RAD18: variants seen among roughly 807,000 people sequenced by gnomAD.
RAD18 encodes E3 ubiquitin-protein ligase RAD18.
A neutral mutation model predicts 60.4 loss-of-function variants in RAD18; 47 were observed. That is an observed-to-expected ratio of 0.78 (90% CI 0.62 to 0.99). The LOEUF is 0.99. Ranked by LOEUF, RAD18 falls within the 50% of genes least tolerant of loss-of-function variation. The pLI, the probability that RAD18 is intolerant of heterozygous loss-of-function variation, is 0.00. For missense variants in RAD18, 640 were observed against 593.3 expected (o/e 1.08, Z -0.82); for synonymous variants, 225 against 195.5 (o/e 1.15, Z -1.26).
intron 1 of RAD18, among the ~76,000 whole-genome samples, chr3:8,961,137 T>C (rs1941089425): frequency 6.6e-6 from 1 of 152,202 alleles, no homozygotes; most frequent in Non-Finnish European, 1.5e-5. Flanking sequence ...TTCTGAAAGA[T>C]CTGCAGAGCA....
At chr3:8,906,792 CAG>C (rs985171808) in intron 9 of RAD18, among the ~76,000 whole-genome samples, 2 of 66,576 alleles carry the variant, frequency 3.0e-5, no homozygotes, top group African/African-American at 4.5e-5. Flanking sequence ...GAGGGGGAAA[CAG>C]TTTTTTTTTT....
At chr3:8,921,414 G>A (rs1048199860) in intron 7 of RAD18, among the ~76,000 whole-genome samples, 1 of 152,098 alleles carries the variant, frequency 6.6e-6, no homozygotes, top group African/African-American at 2.4e-5. Flanking sequence ...CACTTTGGGG[G>A]GCTAAAGCAG....
intron 2 of RAD18, among the ~76,000 whole-genome samples, chr3:8,955,587 G>A (rs1169902841): frequency 6.6e-6 from 1 of 152,158 alleles, no homozygotes; most frequent in Admixed American, 6.5e-5. Context: ...CACTCAACTT[G>A]GGGTGCTTTG....
chr3:8,961,376 A>T (rs1044025192), intron 1 of RAD18, among the ~76,000 whole-genome samples: 1 of 152,250 alleles, frequency 6.6e-6, no homozygotes, highest in Non-Finnish European at 1.5e-5. Context: ...TAATTACAAA[A>T]ATACTCTTAA....
intron 7 of RAD18, among the ~76,000 whole-genome samples, chr3:8,933,596 C>T (rs1285142239): frequency 6.6e-6 from 1 of 152,088 alleles, no homozygotes; most frequent in Non-Finnish European, 1.5e-5. Context: ...AATAAAACAT[C>T]GTGTACCACT....
chr3:8,920,379 C>G (rs528203), intron 7 of RAD18, among the ~76,000 whole-genome samples: 104,686 of 151,882 alleles, frequency 0.69, 36,624 homozygotes, highest in Middle Eastern at 0.78. Flanking sequence ...AACTGTGAAA[C>G]CAATGCTAAA....
At chr3:8,952,761 T>C (rs1337286614) in intron 2 of RAD18, among the ~76,000 whole-genome samples, 1 of 152,182 alleles carries the variant, frequency 6.6e-6, no homozygotes, top group African/African-American at 2.4e-5. Context: ...GTTAGTCACA[T>C]TTGACAAGAA....
intron 7 of RAD18, among the ~76,000 whole-genome samples, chr3:8,935,644 T>C (rs1261731582): frequency 6.6e-6 from 1 of 152,180 alleles, no homozygotes; most frequent in Non-Finnish European, 1.5e-5. Context: ...CATGAGAAAC[T>C]GGCAATGGGG....
intron 11 of RAD18, among the ~76,000 whole-genome samples, chr3:8,891,075 A>AATATATATCTATAT (rs1939679688): frequency 3.9e-5 from 1 of 25,972 alleles, no homozygotes; most frequent in African/African-American, 7.4e-5. Flanking sequence ...ATATATATAA[A>AATATATATCTATAT]ATATATATAT....
intron 7 of RAD18, among the ~76,000 whole-genome samples, chr3:8,921,364 T>C (rs1703122): frequency 0.69 from 104,660 of 152,120 alleles, 36,593 homozygotes; most frequent in Middle Eastern, 0.77. Context: ...ACAAGAAATA[T>C]TGAATAATCC....
intron 9 of RAD18, among the ~76,000 whole-genome samples, chr3:8,909,342 T>A (rs1277582893): frequency 6.6e-6 from 1 of 152,094 alleles, no homozygotes; most frequent in Admixed American, 6.5e-5. Context: ...AGAAATGGCA[T>A]GATGTGAAGA....
At chr3:8,919,868 C>G (rs1940284392) in intron 7 of RAD18, among the ~76,000 whole-genome samples, 1 of 152,066 alleles carries the variant, frequency 6.6e-6, no homozygotes, top group African/African-American at 2.4e-5. Context: ...GTCATGAGGA[C>G]AGGAATTAGA....
intron 9 of RAD18, among the ~76,000 whole-genome samples, chr3:8,903,049 A>C (rs926135709): frequency 6.6e-6 from 1 of 151,998 alleles, no homozygotes; most frequent in African/African-American, 2.4e-5. Context: ...AAAAAACAAA[A>C]AACAGAGGTG....
chr3:8,910,027 A>G (rs45579731), intron 9 of RAD18, among the ~76,000 whole-genome samples: 29 of 152,222 alleles, frequency 1.9e-4, no homozygotes, highest in African/African-American at 6.0e-4. Context: ...GAAGTGAACC[A>G]ACACAGGAAG....
At chr3:8,906,417 TTGTC>T (rs1940002096) in intron 9 of RAD18, among the ~76,000 whole-genome samples, 1 of 152,098 alleles carries the variant, frequency 6.6e-6, no homozygotes, top group African/African-American at 2.4e-5. Context: ...CCCCGAAAAG[TTGTC>T]TACCTTAATG....
intron 7 of RAD18, among the ~76,000 whole-genome samples, chr3:8,920,559 T>C (rs1381043188): frequency 1.3e-5 from 2 of 152,172 alleles, no homozygotes; most frequent in Non-Finnish European, 2.9e-5. Flanking sequence ...ATGTAAAGTA[T>C]AAACCAGAGA....
rs1302222663 is a variant in RAD18 at position 8,922,091 on chromosome 3, C to T, written c.890-8371G>A. Among the ~76,000 whole-genome samples, 8 of 152,278 alleles carry T rather than the reference C, an allele frequency of 5.3e-5. No individual in the cohort carries two copies. The East Asian group carries it at 1.4e-3, about 26-fold the overall frequency. ...ACTGGGGATTTTCGGACAGTGGGTGCAGGACAGTGGGAGCGGTGCACCGGG... is the reference window on the plus strand; with the variant it reads ...ACTGGGGATTTTCGGACAGTGGGTGTAGGACAGTGGGAGCGGTGCACCGGG... On this transcript the variant is annotated intron_variant, in intron 7 of 12. Coordinates refer to ENST00000264926, the MANE Select transcript of RAD18 (RefSeq NM_020165.4).
chr3:8,915,127 G>A (rs568170614), intron 7 of RAD18, among the ~76,000 whole-genome samples: 14 of 115,034 alleles, frequency 1.2e-4, no homozygotes, highest in South Asian at 3.1e-4. Flanking sequence ...CCAGCCCAGC[G>A]ACAAAGCGAG....
At chr3:8,889,679 T>C (rs1939648547) in intron 12 of RAD18, among the ~76,000 whole-genome samples, 1 of 152,090 alleles carries the variant, frequency 6.6e-6, no homozygotes, top group Admixed American at 6.6e-5. Flanking sequence ...ATCTATATGA[T>C]GAAGCAGAGA....
Sources: gnomAD v4.1 joint callset for allele counts (sites outside exome capture counted in the v4.1 genomes callset) on GRCh38, gnomAD v4.1.1 for gene constraint, MANE v1.5 for transcripts, NCBI Gene and HGNC (gene_info 2026-07-23, HGNC 2026-07-21) for gene names.